ADCY2: variants seen among roughly 807,000 people sequenced by gnomAD.
ADCY2 encodes the protein adenylate cyclase type 2.
ADCY2 carries 31 observed loss-of-function variants against 125.2 expected under a neutral mutation model. The ratio of observed to expected loss-of-function variants is 0.25; its 90% CI spans 0.19 to 0.33. The LOEUF is 0.33. Ranked by LOEUF, ADCY2 falls within the 10% of genes least tolerant of loss-of-function variation. ADCY2 has a pLI of 1.00. For synonymous variants in ADCY2, 512 were observed against 548.4 expected (o/e 0.93, Z 0.93); for missense variants, 904 against 1,418.2 (o/e 0.64, Z 5.82).
At chr5:7,815,955 CCT>C (rs1452875341) in intron 22 of ADCY2, among the ~76,000 whole-genome samples, 1 of 152,320 alleles carries the variant, frequency 6.6e-6, no homozygotes, top group East Asian at 1.9e-4. Context: ...CTCTTCTCCC[CCT>C]GTCGGGCCTC....
chr5:7,718,145 A>ATTTTTT (rs59353850), intron 12 of ADCY2, among the ~76,000 whole-genome samples: 48 of 115,402 alleles, frequency 4.2e-4, no homozygotes, highest in African/African-American at 8.3e-4. Flanking sequence ...CCTGTTTTAG[A>ATTTTTT]TTTTTTTTTT....
chr5:7,810,810 C>T (rs562044989), intron 22 of ADCY2, among the ~76,000 whole-genome samples: 3 of 152,178 alleles, frequency 2.0e-5, no homozygotes, highest in Non-Finnish European at 4.4e-5. Flanking sequence ...TGCCTCATTC[C>T]TTCTGCTGCA....
intron 3 of ADCY2, among the ~76,000 whole-genome samples, chr5:7,532,117 CAT>C (rs1443897712): frequency 6.6e-6 from 1 of 152,182 alleles, no homozygotes; most frequent in East Asian, 1.9e-4. Context: ...AGTGAAGAAA[CAT>C]ATGGGAATTT....
At position 7,474,363 on chromosome 5, in the gene ADCY2, A is replaced by G. The variant is rs535635250; in HGVS notation, c.409-46375A>G. Among the ~76,000 whole-genome samples, 262 of 152,308 alleles carry G rather than the reference A, an allele frequency of 1.7e-3. 1 individual carries two copies. Among genetic ancestry groups the G allele is most frequent in the African/African-American group, 6.1e-3 (253 of 41,560 alleles). ...ATATAAGAAAATAAAGCAATAATGC[A>G]ATGAAGGGAAAAAATGGGAGTGCTC... is the stretch of plus-strand genomic sequence containing the variant. On this transcript the variant is annotated intron_variant, in intron 2 of 24. Coordinates refer to ENST00000338316, the MANE Select transcript of ADCY2 (RefSeq NM_020546.3).
intron 3 of ADCY2, among the ~76,000 whole-genome samples, chr5:7,621,501 G>T (rs1254929511): frequency 6.6e-6 from 1 of 152,224 alleles, no homozygotes; most frequent in Non-Finnish European, 1.5e-5. Context: ...GGGCTGTGTA[G>T]AATATACAGG....
chr5:7,470,240 A>T (rs549895589), intron 2 of ADCY2, among the ~76,000 whole-genome samples: 1 of 151,914 alleles, frequency 6.6e-6, no homozygotes, highest in Admixed American at 6.6e-5. Flanking sequence ...TTTTATGGAC[A>T]TGCCTCTAGA....
chr5:7,682,213 TTGAA>T (rs1391708297), intron 4 of ADCY2, among the ~76,000 whole-genome samples: 1 of 152,206 alleles, frequency 6.6e-6, no homozygotes, highest in African/African-American at 2.4e-5. Flanking sequence ...AGAAAGAATA[TTGAA>T]TTAAGAGCAC....
intron 15 of ADCY2, among the ~76,000 whole-genome samples, chr5:7,752,305 G>A (rs1742852894): frequency 6.6e-6 from 1 of 152,164 alleles, no homozygotes; most frequent in African/African-American, 2.4e-5. Context: ...ACGGTCCTCA[G>A]CTAATTAAAA....
chr5:7,514,642 G>A (rs1164272733), intron 2 of ADCY2, among the ~76,000 whole-genome samples: 1 of 152,202 alleles, frequency 6.6e-6, no homozygotes, highest in Admixed American at 6.5e-5. Flanking sequence ...ATGTCATCAG[G>A]TTAAGATGAA....
intron 4 of ADCY2, among the ~76,000 whole-genome samples, chr5:7,687,259 G>A (rs1161720594): frequency 6.6e-6 from 1 of 152,270 alleles, no homozygotes; most frequent in East Asian, 1.9e-4. Flanking sequence ...TGTTAAATGA[G>A]GCTCTGAGTG....
chr5:7,752,583 T>C (rs915487675), intron 15 of ADCY2, among the ~76,000 whole-genome samples: 1 of 152,112 alleles, frequency 6.6e-6, no homozygotes, highest in Non-Finnish European at 1.5e-5. Flanking sequence ...AAATGAAGTC[T>C]ACTTTTATAA....
At chr5:7,825,594 A>G (rs527375616) in intron 24 of ADCY2, among the ~76,000 whole-genome samples, 1 of 152,350 alleles carries the variant, frequency 6.6e-6, no homozygotes. Flanking sequence ...GTTCCAAAGC[A>G]GCATTACCAG....
At chr5:7,402,164 G>C (rs1033097259) in intron 1 of ADCY2, among the ~76,000 whole-genome samples, 4 of 152,156 alleles carry the variant, frequency 2.6e-5, no homozygotes, top group African/African-American at 7.2e-5. Flanking sequence ...ATTCAACTCT[G>C]ACCCTCTCCA....
intron 4 of ADCY2, among the ~76,000 whole-genome samples, chr5:7,638,079 T>C (rs985787704): frequency 6.6e-6 from 1 of 152,202 alleles, no homozygotes; most frequent in African/African-American, 2.4e-5. Context: ...TGAGCCTTTC[T>C]CACTACTGTG....
chr5:7,426,985 A>G (rs571348808), intron 2 of ADCY2, among the ~76,000 whole-genome samples: 1 of 152,330 alleles, frequency 6.6e-6, no homozygotes, highest in East Asian at 1.9e-4. Flanking sequence ...TTCATGTCCC[A>G]GGGCTGCCAG....
Position 7,827,798 on chromosome 5 carries a change from G to A in ADCY2, c.*927G>A, listed in dbSNP as rs1287113561. The A allele has an allele frequency of 2.0e-5, 3 of 152,344 alleles. No homozygotes were observed. The highest frequency in any genetic ancestry group is 4.4e-5 in the Non-Finnish European group (3 of 68,048). The allele number at this position is 152,344 out of a possible 1,614,324, so 9.4% of individuals were successfully genotyped here. On this transcript the variant is annotated 3_prime_UTR_variant, in exon 25 of 25. Coordinates refer to ENST00000338316, the MANE Select transcript of ADCY2 (RefSeq NM_020546.3). ...TGGGCATCTCTAGAGAACGCTTTCA[G>A]GGAAAAATACTTTAATAGTAAAAAG...
At chr5:7,672,087 A>G (rs893741807) in intron 4 of ADCY2, among the ~76,000 whole-genome samples, 2 of 152,206 alleles carry the variant, frequency 1.3e-5, no homozygotes, top group African/African-American at 4.8e-5. Context: ...CCCATATACT[A>G]TCAGGACACA....
intron 4 of ADCY2, among the ~76,000 whole-genome samples, chr5:7,658,399 T>TTTTG (rs1554029015): frequency 7.6e-6 from 1 of 130,944 alleles, no homozygotes; most frequent in African/African-American, 2.8e-5. Flanking sequence ...GTGAAGAGAA[T>TTTTG]TGTGTGTGTG....
intron 2 of ADCY2, among the ~76,000 whole-genome samples, chr5:7,451,605 A>G (rs57588461): frequency 0.018 from 2,818 of 152,330 alleles, 82 homozygotes; most frequent in African/African-American, 0.064. Flanking sequence ...AGGCAGTGAC[A>G]GGATTTGAGA....
Sources: allele counts gnomAD v4.1 joint callset (sites outside exome capture counted in the v4.1 genomes callset), GRCh38; gene constraint gnomAD v4.1.1; transcripts MANE v1.5; gene names NCBI Gene and HGNC (gene_info 2026-07-23, HGNC 2026-07-21).